The following SH3PXD2A variants were observed in gnomAD, a reference collection of about 807,000 sequenced individuals.
SH3PXD2A encodes the protein SH3 and PX domains 2A, also known as SH3 and PX domain-containing protein 2A.
In SH3PXD2A, 32 loss-of-function variants were observed where a neutral mutation model predicts 115.2. The ratio of observed to expected loss-of-function variants is 0.28; its 90% CI spans 0.21 to 0.37. SH3PXD2A has a LOEUF of 0.37. SH3PXD2A is among the 10% of genes least tolerant of loss of function. The probability of loss-of-function intolerance (pLI) is 1.00; values close to 1 mark genes in which losing one functional copy is unlikely to be tolerated. For missense variants in SH3PXD2A, 1,328 were observed against 1,498.7 expected (o/e 0.89, Z 1.88); for synonymous variants, 610 against 629.1 (o/e 0.97, Z 0.45).
intron 4 of SH3PXD2A, among the ~76,000 whole-genome samples, chr10:103,732,619 T>C (rs1025931718): frequency 2.0e-5 from 3 of 152,226 alleles, no homozygotes; most frequent in African/African-American, 7.2e-5. Context: ...ACTTTCCATG[T>C]CTGAGTCCTT....
intron 13 of SH3PXD2A, among the ~76,000 whole-genome samples, chr10:103,606,685 C>T (rs954182456): frequency 5.3e-5 from 8 of 152,050 alleles, no homozygotes; most frequent in East Asian, 1.9e-4. Context: ...TTGGTGGAGA[C>T]GGGGTTTCGC....
chr10:103,601,900 A>G lies in SH3PXD2A; in HGVS notation c.3318T>C (p.Asn1106=), dbSNP rs769703680. 1.9e-6 allele frequency: 3 copies of G among 1,613,946 alleles called. No homozygotes were observed. Among genetic ancestry groups the G allele is most frequent in the South Asian group, 2.2e-5 (2 of 91,066 alleles). ...VSMEVLERNP[N]GWWYCQILDG... ...CCAGGATCTGGCAGTACCACCAGCCATTAGGGTTCCTCTCCAGAACCTCCA... is the reference window on the plus strand; with the variant it reads ...CCAGGATCTGGCAGTACCACCAGCCGTTAGGGTTCCTCTCCAGAACCTCCA... Residue 1106 remains asparagine, a synonymous_variant, in exon 15 of 15, where the codon AAT becomes AAC. Transcript: ENST00000369774.
At chr10:103,661,977 C>G (rs189933416) in intron 7 of SH3PXD2A, 1 of 985,214 alleles carries the variant, frequency 1.0e-6, no homozygotes, top group East Asian at 1.1e-4. Flanking sequence ...TGCCACCGAG[C>G]CCAGGCCGGG....
At chr10:103,633,265 A>C (rs2036809767) in intron 8 of SH3PXD2A, among the ~76,000 whole-genome samples, 1 of 151,834 alleles carries the variant, frequency 6.6e-6, no homozygotes, top group Non-Finnish European at 1.5e-5. Flanking sequence ...AAAATACAAA[A>C]ATTAGCCAGG....
At chr10:103,618,504 C>G (rs1236806078) in intron 10 of SH3PXD2A, among the ~76,000 whole-genome samples, 1 of 152,214 alleles carries the variant, frequency 6.6e-6, no homozygotes, top group Non-Finnish European at 1.5e-5. Context: ...TCTGGGGCAA[C>G]AGGAGCTGAG....
chr10:103,603,086 A>C lies in SH3PXD2A; in HGVS notation c.2132T>G (p.Leu711Trp). Residue 711 changes from leucine to tryptophan, a missense_variant, in exon 15 of 15, where the codon TTG (leucine) becomes TGG (tryptophan). Around this residue, in one of 5 missense-constraint regions of SH3PXD2A, gnomAD observed 574 missense variants for 565.7 expected, o/e 1.01. Coordinates refer to ENST00000369774, the MANE Select transcript of SH3PXD2A (RefSeq NM_001394015.1). ...CTTCAGGTCGCCACTGGTTTTGGAC[A>C]AGGAAGAGGAGGAGGAGGAAGAGGA... is the stretch of plus-strand genomic sequence containing the variant. Reference protein sequence around the residue: ...CSSSSSSSSSLSKTSGDLKPR... With the variant: ...CSSSSSSSSSWSKTSGDLKPR... 1 of 1,613,376 alleles carries C rather than the reference A, an allele frequency of 6.2e-7. No individual in the cohort carries two copies. Among genetic ancestry groups the C allele is most frequent in the African/African-American group, 1.3e-5 (1 of 75,048 alleles).
chr10:103,752,560 A>G (rs2038590862), intron 3 of SH3PXD2A, among the ~76,000 whole-genome samples: 1 of 152,226 alleles, frequency 6.6e-6, no homozygotes, highest in African/African-American at 2.4e-5. Flanking sequence ...ATGCACAGCA[A>G]AAGAAACCGG....
intron 5 of SH3PXD2A, among the ~76,000 whole-genome samples, chr10:103,712,760 C>G (rs896264618): frequency 1.3e-5 from 2 of 152,246 alleles, no homozygotes; most frequent in African/African-American, 4.8e-5. Context: ...GTTATTCTGC[C>G]CTTCTGTCTG....
At chr10:103,770,345 C>G (rs1336086723) in intron 2 of SH3PXD2A, among the ~76,000 whole-genome samples, 5 of 151,324 alleles carry the variant, frequency 3.3e-5, no homozygotes, top group Non-Finnish European at 7.4e-5. Flanking sequence ...GTAATTAGGA[C>G]CAGGTGTGTG....
At chr10:103,773,864 G>T (rs1300054618) in intron 2 of SH3PXD2A, among the ~76,000 whole-genome samples, 1 of 152,080 alleles carries the variant, frequency 6.6e-6, no homozygotes, top group East Asian at 1.9e-4. Flanking sequence ...TCAGCCTCCT[G>T]AGTAGCTGGG....
intron 1 of SH3PXD2A, among the ~76,000 whole-genome samples, chr10:103,845,346 G>GAAAAAAAAAAAAAAA (rs61352013): frequency 1.2e-5 from 1 of 86,334 alleles, no homozygotes; most frequent in Non-Finnish European, 2.3e-5. Flanking sequence ...AAAAAAAAAA[G>GAAAAAAAAAAAAAAA]AAAAAAGAAA....
chr10:103,612,336 C>T (rs1042049025), intron 12 of SH3PXD2A, among the ~76,000 whole-genome samples: 3 of 152,150 alleles, frequency 2.0e-5, no homozygotes, highest in Non-Finnish European at 2.9e-5. Context: ...TTTCCAGTAA[C>T]GAGTGGAAAG....
At chr10:103,773,189 A>T (rs1194150689) in intron 2 of SH3PXD2A, among the ~76,000 whole-genome samples, 1 of 143,590 alleles carries the variant, frequency 7.0e-6, no homozygotes, top group Non-Finnish European at 1.5e-5. Flanking sequence ...TCACCATTGC[A>T]CTCCAGCCTG....
At chr10:103,760,971 G>T (rs923681240) in intron 3 of SH3PXD2A, among the ~76,000 whole-genome samples, 1 of 152,164 alleles carries the variant, frequency 6.6e-6, no homozygotes, top group African/African-American at 2.4e-5. Flanking sequence ...CATGTGATTT[G>T]TTCCAAAGAG....
At chr10:103,762,096 A>C (rs2038706873) in intron 3 of SH3PXD2A, among the ~76,000 whole-genome samples, 1 of 140,700 alleles carries the variant, frequency 7.1e-6, no homozygotes, top group African/African-American at 2.7e-5. Context: ...AATCTTGCTC[A>C]CTGTGACCTC....
intron 2 of SH3PXD2A, among the ~76,000 whole-genome samples, chr10:103,776,413 A>T (rs2134235913): frequency 7.1e-6 from 1 of 140,726 alleles, no homozygotes; most frequent in East Asian, 2.2e-4. Flanking sequence ...AAAAAAAAAA[A>T]GTGTGTGCAT....
At chr10:103,750,952 C>T (rs2038570814) in intron 3 of SH3PXD2A, among the ~76,000 whole-genome samples, 1 of 152,182 alleles carries the variant, frequency 6.6e-6, no homozygotes, top group Non-Finnish European at 1.5e-5. Context: ...CAGTGCTAGG[C>T]CACGCAGAGA....
chr10:103,676,609 T>G (rs1400254453), intron 6 of SH3PXD2A, among the ~76,000 whole-genome samples: 1 of 151,994 alleles, frequency 6.6e-6, no homozygotes, highest in Non-Finnish European at 1.5e-5. Context: ...AGCTTCCTGG[T>G]TAAAGATAGG....
chr10:103,815,223 A>C (rs1032089175), intron 1 of SH3PXD2A, among the ~76,000 whole-genome samples: 2 of 152,206 alleles, frequency 1.3e-5, no homozygotes, highest in African/African-American at 4.8e-5. Flanking sequence ...ATCAAAATAA[A>C]AAACTTTTGT....
Sources: allele counts gnomAD v4.1 joint callset (sites outside exome capture counted in the v4.1 genomes callset), GRCh38; gene constraint gnomAD v4.1.1; regional missense constraint gnomAD v4.1.1; transcripts MANE v1.5; gene names NCBI Gene and HGNC (gene_info 2026-07-23, HGNC 2026-07-21).